Variants in FAM114A2 observed in about 807,000 individuals in gnomAD.
The protein encoded by FAM114A2 is protein FAM114A2.
Under a neutral mutation model 58.4 loss-of-function variants are expected in FAM114A2, and 53 were observed. The observed-to-expected ratio is 0.91, with a 90% CI of 0.73 to 1.14. FAM114A2 has a LOEUF of 1.14. Among genes scored for constraint, FAM114A2 ranks in the 50% most tolerant of loss-of-function variants. The probability of loss-of-function intolerance (pLI) is 0.00; values close to 1 mark genes in which losing one functional copy is unlikely to be tolerated. For synonymous variants in FAM114A2, 228 were observed against 211.4 expected, an observed-to-expected ratio of 1.08 and a Z score of -0.68; for missense variants, 601 against 581.1, an observed-to-expected ratio of 1.03 and a Z score of -0.35.
At chr5:154,018,740 G>A (rs541697498) in intron 8 of FAM114A2, among the ~76,000 whole-genome samples, 1 of 152,246 alleles carries the variant, frequency 6.6e-6, no homozygotes, top group East Asian at 1.9e-4. Context: ...TAGGGATGCA[G>A]GGATGGTTTA....
Position 154,002,256 on chromosome 5 carries a change from A to G in FAM114A2, c.1251T>C (p.Leu417=). 1 of 1,613,534 alleles carries G rather than the reference A, an allele frequency of 6.2e-7. No homozygotes were observed. Among genetic ancestry groups the G allele is most frequent in the Non-Finnish European group, 8.5e-7 (1 of 1,179,440 alleles). ...GGAATTCTCATTACACTTACTGGGA[A>G]AGAGTTTGGCTCCTTTCTATGGCTG... ...EVTAIERSQT[L]SQMTIVLCKE... is the part of the protein sequence containing the mutation. Residue 417 remains leucine (L), a synonymous_variant, in exon 11 of 14, where the codon CTT becomes CTC. Coordinates refer to ENST00000351797, the MANE Select transcript of FAM114A2 (RefSeq NM_018691.4).
intron 8 of FAM114A2, among the ~76,000 whole-genome samples, chr5:154,019,459 A>C (rs941897376): frequency 1.3e-5 from 2 of 152,202 alleles, no homozygotes; most frequent in Non-Finnish European, 2.9e-5. Flanking sequence ...CACACCACCC[A>C]AAGCAATCTA....
Position 154,034,394 on chromosome 5 carries a change from C to T in FAM114A2, c.211-17G>A. ...AACATTATCCTAATTTCCCAGTAGG[C>T]AGAAAAACAAAAGGCAAAGAAAAAT... On this transcript the variant is annotated splice_polypyrimidine_tract_variant and intron_variant, in intron 2 of 13. Transcript: ENST00000351797. 1 of 1,472,116 alleles carries T rather than the reference C, an allele frequency of 6.8e-7. No individual in the cohort carries two copies. Among genetic ancestry groups the T allele is most frequent in the Non-Finnish European group, 9.2e-7 (1 of 1,083,578 alleles). 91.2% of individuals were successfully genotyped at this position (1,472,116 alleles called of 1,614,324 possible).
At chr5:154,034,167 A>G in intron 3 of FAM114A2, 111 bp downstream of exon 3, 1 of 703,952 alleles carries the variant, frequency 1.4e-6, no homozygotes, top group Non-Finnish European at 2.4e-6. Flanking sequence ...CAAATTATAA[A>G]GCCTTTGAGT....
chr5:153,996,725 G>A (rs1034055142), intron 12 of FAM114A2, among the ~76,000 whole-genome samples: 12 of 147,868 alleles, frequency 8.1e-5, no homozygotes, highest in Admixed American at 4.1e-4. Flanking sequence ...CGCTGGGCAC[G>A]GTGGCTCATG....
rs573555485 is a variant in FAM114A2 at position 154,027,291 on chromosome 5, T to C, written c.674A>G (p.Asn225Ser). Residue 225 changes from asparagine to serine, a missense_variant, in exon 7 of 14, where the codon AAT becomes AGT. Coordinates refer to ENST00000351797, the MANE Select transcript of FAM114A2 (RefSeq NM_018691.4). ...CTTGTCTGTTTCCACGGTAACCTCA[T>C]TGGAGGTCCGTATCTCTTCTTTCTC... ...AKEKEEIRTS[N>S]EVTVETDKKT... The C allele has an allele frequency of 1.7e-5, 28 of 1,613,570 alleles. No homozygotes were observed. Among genetic ancestry groups the C allele is most frequent in the African/African-American group, 1.1e-4 (8 of 75,006 alleles).
chr5:154,032,658 G>T (rs1333102522), intron 4 of FAM114A2, among the ~76,000 whole-genome samples: 1 of 152,108 alleles, frequency 6.6e-6, no homozygotes, highest in Non-Finnish European at 1.5e-5. Flanking sequence ...AAAGAAAGAG[G>T]GATGCATGAG....
intron 8 of FAM114A2, among the ~76,000 whole-genome samples, chr5:154,021,895 AC>A (rs1387822943): frequency 3.9e-5 from 6 of 152,236 alleles, no homozygotes; most frequent in African/African-American, 1.4e-4. Flanking sequence ...TTCAAACTAT[AC>A]TACAAGGCCA....
rs1561572427 is a variant in FAM114A2, at chr5:154,028,148, C to T, written c.630+1G>A. Reference sequence around the variant, plus strand: ...AGTAAACAGGTAAGGATAATCAGTACCTGAGATAGTGTAGCATTTCGGTTC... The same window carrying T: ...AGTAAACAGGTAAGGATAATCAGTATCTGAGATAGTGTAGCATTTCGGTTC... On this transcript the variant is annotated splice_donor_variant, in intron 6 of 13. Coordinates refer to ENST00000351797, the MANE Select transcript of FAM114A2 (RefSeq NM_018691.4). LOFTEE classifies it high-confidence loss of function. 2 of 1,608,818 alleles carry T rather than the reference C, an allele frequency of 1.2e-6. No individual in the cohort carries two copies. Among genetic ancestry groups the T allele is most frequent in the Non-Finnish European group, 1.7e-6 (2 of 1,177,218 alleles).
intron 8 of FAM114A2, among the ~76,000 whole-genome samples, chr5:154,017,161 G>A (rs571862200): frequency 2.4e-4 from 37 of 152,334 alleles, no homozygotes; most frequent in African/African-American, 8.4e-4. Context: ...ACATGAGATA[G>A]GCTGGGTGCA....
At chr5:154,008,056 T>A (rs538437903) in intron 9 of FAM114A2, among the ~76,000 whole-genome samples, 8 of 152,288 alleles carry the variant, frequency 5.3e-5, no homozygotes, top group African/African-American at 7.2e-5. Flanking sequence ...ACATATTTTT[T>A]AAAAACTATA....
At chr5:154,013,111 T>C (rs1225142911) in intron 8 of FAM114A2, among the ~76,000 whole-genome samples, 2 of 152,118 alleles carry the variant, frequency 1.3e-5, no homozygotes, top group Admixed American at 1.3e-4. Context: ...TGTGAAACAC[T>C]GCTTAGAGTT....
At chr5:154,021,241 C>G (rs1416332018) in intron 8 of FAM114A2, among the ~76,000 whole-genome samples, 9 of 152,192 alleles carry the variant, frequency 5.9e-5, no homozygotes, top group African/African-American at 9.7e-5. Context: ...TGGCACAAGA[C>G]AGGGATGCCC....
chr5:154,035,792 T>C (rs1229695287), intron 1 of FAM114A2, among the ~76,000 whole-genome samples: 2 of 152,236 alleles, frequency 1.3e-5, no homozygotes, highest in Non-Finnish European at 2.9e-5. Context: ...CTACACCATT[T>C]TACATTTCCA....
rs1471238604 is a variant in FAM114A2 at position 154,029,522 on chromosome 5, T to C, written c.462A>G (p.Val154=). 2 of 1,611,122 alleles carry C rather than the reference T, an allele frequency of 1.2e-6. No individual in the cohort carries two copies. The highest frequency in any genetic ancestry group is 4.5e-5 in the East Asian group (2 of 44,808). ...GAACAGCAGTAGAGATGGTAGAGAATACACCAAATGCCCCAGCCACTGGGG... is the reference window on the plus strand; with the variant it reads ...GAACAGCAGTAGAGATGGTAGAGAACACACCAAATGCCCCAGCCACTGGGG... ...NSSPVAGAFG[V]FSTISTAVQS... is the part of the protein sequence containing the mutation. Residue 154 remains valine (V), a synonymous_variant, in exon 5 of 14, where the codon GTA becomes GTG. Transcript: ENST00000351797.
Position 154,011,328 on chromosome 5 carries a change from ACCAAGTCC to A in FAM114A2, c.914-16_914-9del. 2 of 1,605,660 alleles carry A rather than the reference ACCAAGTCC, an allele frequency of 1.2e-6. No homozygotes were observed. ...TGGTAAAATCTTCATCCCCTAAAAA[ACCAAGTCC>A]CATATAAAACACTCCAGAAAGACTG... On this transcript the variant is annotated splice_polypyrimidine_tract_variant and intron_variant, in intron 8 of 13. Transcript: ENST00000351797.
intron 7 of FAM114A2, among the ~76,000 whole-genome samples, chr5:154,026,900 C>T (rs1372941561): frequency 1.4e-5 from 2 of 144,942 alleles, no homozygotes; most frequent in Non-Finnish European, 3.0e-5. Context: ...AAAAAAAAGA[C>T]CAAAACGAAG....
At chr5:154,035,849 T>C (rs975377535) in intron 1 of FAM114A2, among the ~76,000 whole-genome samples, 2 of 152,234 alleles carry the variant, frequency 1.3e-5, no homozygotes, top group African/African-American at 4.8e-5. Context: ...TGCCAGCATT[T>C]GACATTGTCC....
intron 8 of FAM114A2, among the ~76,000 whole-genome samples, chr5:154,022,888 A>G (rs889780823): frequency 1.3e-5 from 2 of 152,228 alleles, no homozygotes; most frequent in Non-Finnish European, 2.9e-5. Context: ...AACCAACCCA[A>G]ATGTCCATCA....
Sources: gnomAD v4.1 joint callset for allele counts (sites outside exome capture counted in the v4.1 genomes callset) on GRCh38, gnomAD v4.1.1 for gene constraint, MANE v1.5 for transcripts, NCBI Gene and HGNC (gene_info 2026-07-23, HGNC 2026-07-21) for gene names.